GPC6: variants seen among roughly 807,000 people sequenced by gnomAD.
GPC6 encodes glypican-6.
In GPC6, 14 loss-of-function variants were observed where a neutral mutation model predicts 55.2. That is an observed-to-expected ratio of 0.25 (90% CI 0.17 to 0.40). The LOEUF (loss-of-function observed/expected upper bound fraction) is 0.40, where lower values mean the gene tolerates loss of function less well. Among genes scored for constraint, GPC6 ranks in the 10% least tolerant of loss-of-function variants. The pLI is 1.00. For synonymous variants in GPC6, 278 were observed against 259.6 expected (o/e 1.07, Z -0.68); for missense variants, 641 against 708.5 (o/e 0.90, Z 1.08).
At chr13:93,524,018 G>A (rs918204515) in intron 1 of GPC6, among the ~76,000 whole-genome samples, 8 of 151,892 alleles carry the variant, frequency 5.3e-5, no homozygotes, top group African/African-American at 1.7e-4. Flanking sequence ...GGAAAGAGAG[G>A]GGGGAAAGTC....
At chr13:94,019,859 G>A (rs774629086) in intron 3 of GPC6, among the ~76,000 whole-genome samples, 6 of 152,136 alleles carry the variant, frequency 3.9e-5, no homozygotes, top group Non-Finnish European at 8.8e-5. Context: ...AAGATTGAGA[G>A]TAATGTTCCT....
chr13:94,199,366 C>A (rs140897998), intron 4 of GPC6, among the ~76,000 whole-genome samples: 1 of 152,330 alleles, frequency 6.6e-6, no homozygotes, highest in East Asian at 1.9e-4. Context: ...TGGATCTCTA[C>A]ATCCTGGAAT....
At chr13:93,371,604 T>A (rs2139191957) in intron 1 of GPC6, among the ~76,000 whole-genome samples, 1 of 152,212 alleles carries the variant, frequency 6.6e-6, no homozygotes, top group South Asian at 2.1e-4. Context: ...ACAAGACAAA[T>A]ACTTCTGTGC....
chr13:94,337,067 TC>T (rs932895854), intron 6 of GPC6, among the ~76,000 whole-genome samples: 6 of 152,202 alleles, frequency 3.9e-5, no homozygotes, highest in African/African-American at 1.4e-4. Context: ...CCTTCTACTT[TC>T]ACCCTGTTCA....
At chr13:93,820,683 T>TA (rs1887015172) in intron 2 of GPC6, among the ~76,000 whole-genome samples, 2 of 150,554 alleles carry the variant, frequency 1.3e-5, no homozygotes, top group East Asian at 1.9e-4. Flanking sequence ...TTTTTTTTTT[T>TA]ATTCTTCTTT....
chr13:94,076,695 T>C (rs1884925900), intron 4 of GPC6, among the ~76,000 whole-genome samples: 1 of 151,994 alleles, frequency 6.6e-6, no homozygotes, highest in South Asian at 2.1e-4. Flanking sequence ...TTCTTTTTAA[T>C]GTGAATGTCC....
intron 6 of GPC6, among the ~76,000 whole-genome samples, chr13:94,316,506 A>G (rs1039068500): frequency 5.3e-5 from 8 of 152,036 alleles, no homozygotes; most frequent in Admixed American, 3.3e-4. Flanking sequence ...TCACGAGGTC[A>G]GGAGATCGAG....
At chr13:94,109,822 T>G (rs151044794) in intron 4 of GPC6, among the ~76,000 whole-genome samples, 1 of 152,110 alleles carries the variant, frequency 6.6e-6, no homozygotes, top group Admixed American at 6.5e-5. Flanking sequence ...GCTGCCCAGA[T>G]CTCTTTAGTG....
At chr13:93,281,880 A>G (rs1420468587) in intron 1 of GPC6, among the ~76,000 whole-genome samples, 1 of 152,190 alleles carries the variant, frequency 6.6e-6, no homozygotes, top group Non-Finnish European at 1.5e-5. Context: ...CCACTGAATT[A>G]GGAAAATTTT....
chr13:93,970,955 A>T (rs1041902755), intron 3 of GPC6, among the ~76,000 whole-genome samples: 1 of 152,222 alleles, frequency 6.6e-6, no homozygotes, highest in Non-Finnish European at 1.5e-5. Flanking sequence ...TTTGATAGTT[A>T]TCTATTAATG....
intron 1 of GPC6, among the ~76,000 whole-genome samples, chr13:93,416,179 C>T (rs7329853): frequency 0.027 from 4,156 of 152,138 alleles, 197 homozygotes; most frequent in African/African-American, 0.096. Context: ...TGGGTACTGT[C>T]TCCTTGCCTC....
At chr13:93,992,268 A>G (rs543602292) in intron 3 of GPC6, among the ~76,000 whole-genome samples, 4 of 151,208 alleles carry the variant, frequency 2.6e-5, no homozygotes. Context: ...ACTTCTTTTT[A>G]TGTTTTATTT....
intron 2 of GPC6, among the ~76,000 whole-genome samples, chr13:93,783,686 A>G (rs921082776): frequency 3.3e-5 from 5 of 152,180 alleles, no homozygotes; most frequent in Non-Finnish European, 7.3e-5. Context: ...GAAGAGTCAC[A>G]TGAAATATTC....
chr13:93,589,478 A>G (rs1397269316), intron 2 of GPC6, among the ~76,000 whole-genome samples: 1 of 152,208 alleles, frequency 6.6e-6, no homozygotes, highest in Non-Finnish European at 1.5e-5. Context: ...CATCCATTAA[A>G]TAATTTTAAT....
At chr13:93,702,097 G>A (rs966746525) in intron 2 of GPC6, among the ~76,000 whole-genome samples, 1 of 151,958 alleles carries the variant, frequency 6.6e-6, no homozygotes, top group African/African-American at 2.4e-5. Context: ...ACTATCAATG[G>A]CAGTTATAGC....
At chr13:93,641,691 G>T (rs193101653) in intron 2 of GPC6, among the ~76,000 whole-genome samples, 71 of 152,058 alleles carry the variant, frequency 4.7e-4, no homozygotes, top group Admixed American at 1.3e-3. Context: ...AGTGGCTCTT[G>T]GTTGATCAAC....
intron 1 of GPC6, among the ~76,000 whole-genome samples, chr13:93,379,689 A>G (rs1036935317): frequency 9.2e-5 from 14 of 152,158 alleles, no homozygotes; most frequent in Non-Finnish European, 1.3e-4. Flanking sequence ...ATGAAACCAT[A>G]AAGAATACCC....
chr13:93,681,736 A>G (rs539024851), intron 2 of GPC6, among the ~76,000 whole-genome samples: 2 of 152,344 alleles, frequency 1.3e-5, no homozygotes, highest in East Asian at 3.9e-4. Context: ...TGTTCAGAAT[A>G]TGAGCTGACT....
intron 3 of GPC6, among the ~76,000 whole-genome samples, chr13:93,879,664 C>A (rs905980771): frequency 7.3e-5 from 11 of 151,180 alleles, no homozygotes; most frequent in African/African-American, 1.9e-4. Context: ...GCAAGGACTT[C>A]ATGTCTAAAA....
Sources: gnomAD v4.1 joint callset for allele counts (sites outside exome capture counted in the v4.1 genomes callset) on GRCh38, gnomAD v4.1.1 for gene constraint, MANE v1.5 for transcripts, NCBI Gene and HGNC (gene_info 2026-07-23, HGNC 2026-07-21) for gene names.